The following RANBP2 variants were observed in gnomAD, a reference collection of about 807,000 sequenced individuals.
RANBP2 encodes the protein RAN binding protein 2.
In RANBP2, 57 loss-of-function variants were observed where a neutral mutation model predicts 303.6. The ratio of observed to expected loss-of-function variants is 0.19; its 90% CI spans 0.15 to 0.23. The LOEUF (loss-of-function observed/expected upper bound fraction) is 0.23. Ranked by LOEUF, RANBP2 falls within the 10% of genes least tolerant of loss-of-function variation. RANBP2 has a pLI of 1.00. For missense variants in RANBP2, 3,138 were observed against 3,780.8 expected (o/e 0.83, Z 4.46); for synonymous variants, 1,167 against 1,301.5 (o/e 0.90, Z 2.23).
the RANBP2 span, among the ~76,000 whole-genome samples, chr2:108,826,632 G>A: frequency 1.3e-5 from 2 of 152,134 alleles, no homozygotes; most frequent in Non-Finnish European, 2.9e-5. Context: ...TTATGCCGGT[G>A]TCACACTCGA....
the RANBP2 span, among the ~76,000 whole-genome samples, chr2:109,067,807 A>G: frequency 3.3e-5 from 5 of 152,066 alleles, no homozygotes; most frequent in Non-Finnish European, 7.4e-5. Flanking sequence ...TCCACTAGCT[A>G]ATGCTGTGGG....
At chr2:109,462,245 A>T in the RANBP2 span, among the ~76,000 whole-genome samples, 2 of 151,140 alleles carry the variant, frequency 1.3e-5, no homozygotes, top group African/African-American at 4.9e-5. Flanking sequence ...TTTGTGACAC[A>T]GAGTTGGAGA....
chr2:109,736,125 T>C, the RANBP2 span, among the ~76,000 whole-genome samples: 13 of 152,228 alleles, frequency 8.5e-5, no homozygotes, highest in Non-Finnish European at 5.9e-5. Context: ...TTCTGCATTA[T>C]TGTTCGAATT....
the RANBP2 span, among the ~76,000 whole-genome samples, chr2:108,813,398 G>C: frequency 5.3e-5 from 8 of 151,772 alleles, no homozygotes; most frequent in Non-Finnish European, 1.2e-4. Flanking sequence ...TTTTTTAATA[G>C]GGAAATATCT....
chr2:109,451,666 T>A, the RANBP2 span, among the ~76,000 whole-genome samples: 2 of 152,256 alleles, frequency 1.3e-5, no homozygotes, highest in African/African-American at 4.8e-5. Flanking sequence ...TCGCTTTCTC[T>A]TAAGGTTTAT....
chr2:109,146,358 A>G, the RANBP2 span, among the ~76,000 whole-genome samples: 2 of 152,142 alleles, frequency 1.3e-5, no homozygotes, highest in Admixed American at 1.3e-4. Context: ...GGGCCTCAAG[A>G]GCAAAAGAAT....
At chr2:109,682,793 CA>C in the RANBP2 span, among the ~76,000 whole-genome samples, 3 of 152,056 alleles carry the variant, frequency 2.0e-5, no homozygotes, top group Non-Finnish European at 4.4e-5. Flanking sequence ...ATATATGTAT[CA>C]AAAAACCCAA....
chr2:109,232,608 C>T, the RANBP2 span, among the ~76,000 whole-genome samples: 2 of 152,202 alleles, frequency 1.3e-5, no homozygotes, highest in African/African-American at 4.8e-5. Flanking sequence ...CTCTGCCCCT[C>T]CTTCTACCCT....
At chr2:109,315,580 T>C in the RANBP2 span, among the ~76,000 whole-genome samples, 3 of 152,248 alleles carry the variant, frequency 2.0e-5, no homozygotes, top group African/African-American at 4.8e-5. Context: ...GTGCACTGTC[T>C]GTGCAGAACT....
At chr2:108,969,866 A>T in the RANBP2 span, among the ~76,000 whole-genome samples, 1 of 152,232 alleles carries the variant, frequency 6.6e-6, no homozygotes, top group African/African-American at 2.4e-5. Context: ...GGATCCAAAA[A>T]GGGGTGAAAG....
the RANBP2 span, among the ~76,000 whole-genome samples, chr2:109,428,147 C>T: frequency 6.6e-5 from 10 of 152,330 alleles, no homozygotes; most frequent in East Asian, 7.7e-4. Flanking sequence ...CTCCCTAATT[C>T]GAGCCAGCGT....
At chr2:109,343,647 G>C in the RANBP2 span, among the ~76,000 whole-genome samples, 7 of 152,140 alleles carry the variant, frequency 4.6e-5, no homozygotes, top group Non-Finnish European at 1.0e-4. Context: ...CCAGCAGGTG[G>C]GTTGGGGCCA....
the RANBP2 span, among the ~76,000 whole-genome samples, chr2:109,464,815 C>T: frequency 6.6e-6 from 1 of 152,234 alleles, no homozygotes. Flanking sequence ...TACCTTGACA[C>T]ATCATTACCC....
chr2:109,109,180 CAG>C, the RANBP2 span, among the ~76,000 whole-genome samples: 1 of 152,214 alleles, frequency 6.6e-6, no homozygotes, highest in Non-Finnish European at 1.5e-5. Flanking sequence ...CTGAATGAAT[CAG>C]TGAGTGAATG....
chr2:109,701,010 T>G, the RANBP2 span, among the ~76,000 whole-genome samples: 1 of 152,152 alleles, frequency 6.6e-6, no homozygotes, highest in South Asian at 2.1e-4. Context: ...TCACAGCCTC[T>G]TGTGGCTGAG....
At chr2:109,630,009 C>T in the RANBP2 span, among the ~76,000 whole-genome samples, 247 of 152,210 alleles carry the variant, frequency 1.6e-3, no homozygotes, top group African/African-American at 5.6e-3. Flanking sequence ...AAATACAACA[C>T]GCCCACACAT....
the RANBP2 span, among the ~76,000 whole-genome samples, chr2:108,811,247 C>CTCTTTTTTTTTTTTTTT: frequency 1.2e-3 from 132 of 113,850 alleles, 2 homozygotes; most frequent in Middle Eastern, 4.9e-3. Context: ...TTCTCTCTCT[C>CTCTTTTTTTTTTTTTTT]TTTTTTTTTT....
chr2:109,324,959 A>C, the RANBP2 span, among the ~76,000 whole-genome samples: 1 of 152,204 alleles, frequency 6.6e-6, no homozygotes, highest in Non-Finnish European at 1.5e-5. Context: ...AGTATAGACA[A>C]ATACAATCAC....
At chr2:109,765,507 A>G in the RANBP2 span, among the ~76,000 whole-genome samples, 6 of 150,414 alleles carry the variant, frequency 4.0e-5, 1 homozygote, top group African/African-American at 1.5e-4. Flanking sequence ...ATACCCATAA[A>G]TACCTGCAAT....
Sources: allele counts gnomAD v4.1 joint callset (sites outside exome capture counted in the v4.1 genomes callset), GRCh38; gene constraint gnomAD v4.1.1; transcripts MANE v1.5; gene names NCBI Gene and HGNC (gene_info 2026-07-23, HGNC 2026-07-21).